The following RBM33 variants were observed in gnomAD, a reference collection of about 807,000 sequenced individuals.
The protein encoded by RBM33 is RNA binding motif protein 33.
Under a neutral mutation model 132.6 loss-of-function variants are expected in RBM33, and 28 were observed. The observed-to-expected ratio is 0.21, with a 90% CI of 0.16 to 0.29. RBM33 has a LOEUF of 0.29. Among genes scored for constraint, RBM33 ranks in the 10% least tolerant of loss-of-function variants. The probability of loss-of-function intolerance (pLI) is 1.00; values close to 1 mark genes in which losing one functional copy is unlikely to be tolerated. For synonymous variants in RBM33, 634 were observed against 593.0 expected, an observed-to-expected ratio of 1.07 and a Z score of -1.01; for missense variants, 1,291 against 1,518.5, an observed-to-expected ratio of 0.85 and a Z score of 2.49.
At chr7:155,705,194 A>G (rs879415364) in intron 6 of RBM33, among the ~76,000 whole-genome samples, 5 of 152,216 alleles carry the variant, frequency 3.3e-5, no homozygotes, top group Admixed American at 3.3e-4. Flanking sequence ...GAAGTTACAA[A>G]TGTAATTTCC....
chr7:155,645,923 A>T (rs1798175893), intron 1 of RBM33, among the ~76,000 whole-genome samples: 1 of 152,260 alleles, frequency 6.6e-6, no homozygotes, highest in African/African-American at 2.4e-5. Context: ...TGGAAAAACA[A>T]AAAAGACTAA....
chr7:155,723,227 T>C (rs1800678209), intron 9 of RBM33, among the ~76,000 whole-genome samples: 1 of 152,254 alleles, frequency 6.6e-6, no homozygotes, highest in Non-Finnish European at 1.5e-5. Context: ...TTACAGCCCT[T>C]GCAGATGAGA....
At chr7:155,765,070 G>A (rs1802168503) in intron 15 of RBM33, among the ~76,000 whole-genome samples, 1 of 152,194 alleles carries the variant, frequency 6.6e-6, no homozygotes, top group African/African-American at 2.4e-5. Flanking sequence ...AAAGGCCTTA[G>A]AAACACCCTC....
chr7:155,701,540 T>C (rs1477751046), intron 6 of RBM33: 2 of 152,680 alleles, frequency 1.3e-5, no homozygotes, highest in Non-Finnish European at 2.9e-5. Flanking sequence ...TACAGTGTTT[T>C]TCAATGTCCA....
intron 16 of RBM33, among the ~76,000 whole-genome samples, chr7:155,773,780 G>A (rs1296052998): frequency 6.6e-6 from 1 of 151,994 alleles, no homozygotes; most frequent in Non-Finnish European, 1.5e-5. Flanking sequence ...GATCCTAAAG[G>A]CTTAAGAAAG....
At chr7:155,698,843 A>C (rs1799875651) in intron 5 of RBM33, among the ~76,000 whole-genome samples, 1 of 152,202 alleles carries the variant, frequency 6.6e-6, no homozygotes, top group Admixed American at 6.5e-5. Flanking sequence ...CTGTTATGTC[A>C]ATAGACCTAT....
rs559259380 is a variant in RBM33, at chr7:155,650,640, G to T, written c.43+5721G>T. Among the ~76,000 whole-genome samples, 259 of 152,266 alleles carry T rather than the reference G, an allele frequency of 1.7e-3. 3 individuals are homozygous for T. Among genetic ancestry groups the T allele is most frequent in the Middle Eastern group, 3.4e-3 (1 of 294 alleles). On this transcript the variant is annotated intron_variant, in intron 1 of 17. Transcript: ENST00000401878. ...ATGAGTTGTGAAATTTTCTGGGATG[G>T]TGTAAAAATCTGTTATTGACTGTGG... is the stretch of plus-strand genomic sequence containing the variant.
In RBM33 at chr7:155,763,951, G is replaced by T; in HGVS notation, c.3119G>T (p.Gly1040Val). Reference sequence around the variant, plus strand: ...CAGCAGCCCCCACATCTGCCAGCGGGGCCCCACGCACACTCGCCTGTCCCT... The same window carrying T: ...CAGCAGCCCCCACATCTGCCAGCGGTGCCCCACGCACACTCGCCTGTCCCT... ...GLQQPPHLPA[G>V]PHAHSPVPPG... Residue 1040 changes from glycine (G) to valine (V), a missense_variant, in exon 15 of 18, where the codon GGG becomes GTG. This residue lies in a region of RBM33 where 841 missense variants were observed against 912.0 expected (regional missense o/e 0.92). Coordinates refer to ENST00000401878, the MANE Select transcript of RBM33 (RefSeq NM_053043.3). 1 of 1,599,292 alleles carries T rather than the reference G, an allele frequency of 6.3e-7. No individual in the cohort carries two copies. Among genetic ancestry groups the T allele is most frequent in the South Asian group, 1.1e-5 (1 of 88,562 alleles).
At chr7:155,761,243 A>G (rs1187251664) in intron 14 of RBM33, among the ~76,000 whole-genome samples, 2 of 151,930 alleles carry the variant, frequency 1.3e-5, no homozygotes, top group African/African-American at 2.4e-5. Flanking sequence ...TTTTTCATGT[A>G]TGTTTATGAG....
Position 155,647,714 on chromosome 7 carries a change from C to G in RBM33, c.43+2795C>G, listed in dbSNP as rs574162520. Among the ~76,000 whole-genome samples the G allele has an allele frequency of 4.6e-5, 7 of 152,316 alleles. No individual in the cohort carries two copies. The East Asian group carries it at 1.3e-3, about 29-fold the overall frequency. Reference sequence around the variant, plus strand: ...GCAAGGATTACGTGAGCCACCATGCCTTGGCATGATACATTTCAAAGGAGT... The same window carrying G: ...GCAAGGATTACGTGAGCCACCATGCGTTGGCATGATACATTTCAAAGGAGT... On this transcript the variant is annotated intron_variant, in intron 1 of 17. Coordinates refer to ENST00000401878, the MANE Select transcript of RBM33 (RefSeq NM_053043.3).
intron 7 of RBM33, among the ~76,000 whole-genome samples, chr7:155,708,247 T>G (rs964477638): frequency 1.3e-5 from 2 of 152,246 alleles, no homozygotes; most frequent in African/African-American, 4.8e-5. Context: ...CACAATTTGA[T>G]GATACGAGGA....
In RBM33 at chr7:155,765,639, C is replaced by G. The variant is rs549254806; in HGVS notation, c.3187-828C>G. Among the ~76,000 whole-genome samples the G allele has an allele frequency of 3.3e-5, 5 of 152,324 alleles. No homozygotes were observed. The East Asian group carries it at 9.7e-4, about 29-fold the overall frequency. ...GGAAACCTAGTGCCGTCCATCACCA[C>G]CCTGCCTTCTGCGCTTCACCGCTGT... On this transcript the variant is annotated intron_variant, in intron 15 of 17. Transcript: ENST00000401878.
chr7:155,762,750 C>T (rs530565071), intron 14 of RBM33, among the ~76,000 whole-genome samples: 27 of 152,122 alleles, frequency 1.8e-4, no homozygotes, highest in African/African-American at 6.0e-4. Context: ...CCAGGTTGCC[C>T]CTGGAGACAC....
At chr7:155,654,955 T>A (rs748501004) in intron 1 of RBM33, among the ~76,000 whole-genome samples, 13 of 152,244 alleles carry the variant, frequency 8.5e-5, no homozygotes, top group Non-Finnish European at 1.9e-4. Context: ...TTGGGATGAT[T>A]GTAATATCTT....
At chr7:155,729,312 G>A (rs922709775) in intron 9 of RBM33, among the ~76,000 whole-genome samples, 2 of 152,208 alleles carry the variant, frequency 1.3e-5, no homozygotes, top group Middle Eastern at 3.2e-3. Context: ...GGGATGCAGA[G>A]CCAAACCCTA....
Position 155,673,940 on chromosome 7 carries a change from GTTTTTTTTTTTT to G in RBM33, c.171+1046_171+1057del, listed in dbSNP as rs71186053. Among the ~76,000 whole-genome samples the G allele has an allele frequency of 1.9e-3, 103 of 54,190 alleles. 3 individuals are homozygous for G. The highest frequency in any genetic ancestry group is 0.011 in the Middle Eastern group (1 of 94). The allele number at this position is 54,190 out of a possible 152,430, so 35.6% of individuals were successfully genotyped here. A position where few individuals can be genotyped will look rare whatever the true frequency, so the allele number is the denominator to read the frequency against. Reference sequence around the variant, plus strand: ...TCATTATCAAGATAGTTTAGGCTTAGTTTTTTTTTTTTTTTTTTTTTTTTTTTTTTTTGAGAC... The same window carrying G: ...TCATTATCAAGATAGTTTAGGCTTAGTTTTTTTTTTTTTTTTTTTTGAGAC... On this transcript the variant is annotated intron_variant, in intron 3 of 17. Transcript: ENST00000401878.
At chr7:155,702,998 T>C (rs957995537) in intron 6 of RBM33, among the ~76,000 whole-genome samples, 3 of 152,168 alleles carry the variant, frequency 2.0e-5, no homozygotes, top group Non-Finnish European at 2.9e-5. Flanking sequence ...TCTTTCCTCT[T>C]CTGTACCACC....
chr7:155,695,932 GCA>G (rs1799782212), intron 5 of RBM33, among the ~76,000 whole-genome samples: 2 of 151,732 alleles, frequency 1.3e-5, no homozygotes, highest in African/African-American at 4.8e-5. Context: ...CAATATGTGC[GCA>G]CGTGTGTGTG....
At chr7:155,758,764 CA>C (rs1295466682) in intron 14 of RBM33, among the ~76,000 whole-genome samples, 1 of 152,174 alleles carries the variant, frequency 6.6e-6, no homozygotes, top group Non-Finnish European at 1.5e-5. Flanking sequence ...GACTCTGAAG[CA>C]CCCCACTTTC....
Sources: gnomAD v4.1 joint callset for allele counts (sites outside exome capture counted in the v4.1 genomes callset) on GRCh38, gnomAD v4.1.1 for gene constraint, gnomAD v4.1.1 regional missense constraint, MANE v1.5 for transcripts, NCBI Gene and HGNC (gene_info 2026-07-23, HGNC 2026-07-21) for gene names.